The following VWDE variants were observed in gnomAD, a reference collection of about 807,000 sequenced individuals.
VWDE encodes the protein von Willebrand factor D and EGF domain-containing protein.
In VWDE, 207 loss-of-function variants were observed where a neutral mutation model predicts 178.4. The observed-to-expected ratio is 1.16, with a 90% CI of 1.04 to 1.30. VWDE has a LOEUF of 1.30. VWDE is among the 50% of genes most tolerant of loss of function. VWDE has a pLI of 0.00. For missense variants in VWDE, 2,287 were observed against 1,901.3 expected (o/e 1.20, Z -3.77); for synonymous variants, 738 against 651.4 (o/e 1.13, Z -2.02).
chr7:12,345,159 G>C (rs1368446897), intron 19 of VWDE, among the ~76,000 whole-genome samples: 1 of 151,850 alleles, frequency 6.6e-6, no homozygotes, highest in African/African-American at 2.4e-5. Flanking sequence ...ATATTATATA[G>C]TTGTAATACT....
In VWDE at chr7:12,361,624, G is replaced by C. The variant is rs908980196; in HGVS notation, c.2899-103C>G. On this transcript the variant is annotated intron_variant, in intron 13 of 28. Coordinates refer to ENST00000275358, the MANE Select transcript of VWDE (RefSeq NM_001135924.3). ...ACATAAATTTTAAAATATATGCCTA[G>C]TATAATGTAATATATAACAGGGAAA... 3 of 1,085,688 alleles carry C rather than the reference G, an allele frequency of 2.8e-6. No homozygotes were observed. In the East Asian group the frequency reaches 8.2e-5, roughly 30 times the overall value. 67.3% of individuals were successfully genotyped at this position (1,085,688 alleles called of 1,614,324 possible).
intron 3 of VWDE, 57 bp from the exon 4 acceptor site, chr7:12,383,658 C>A (rs953885498): frequency 2.5e-5 from 34 of 1,363,222 alleles, no homozygotes; most frequent in Non-Finnish European, 9.2e-6. Flanking sequence ...TATACATCTA[C>A]ATATATCCAA....
rs1262419780 is a variant in VWDE at position 12,356,299 on chromosome 7, C to A, written c.3557G>T (p.Gly1186Val). Residue 1186 changes from glycine (G) to valine (V), a missense_variant, in exon 18 of 29, where the codon GGT becomes GTT. By Grantham distance (109) the Gly-to-Val change is moderately radical. Transcript: ENST00000275358. ...GTTCCTATCAGATACACATGATCCACCATTCAAGCAATCACAAGACTTCAC... is the reference window on the plus strand; with the variant it reads ...GTTCCTATCAGATACACATGATCCAACATTCAAGCAATCACAAGACTTCAC... ...VTVKSCDCLN[G>V]GSCVSDRNFS... The A allele has an allele frequency of 6.4e-7, 1 of 1,551,380 alleles. No individual in the cohort carries two copies. The highest frequency in any genetic ancestry group is 2.4e-5 in the East Asian group (1 of 40,896).
chr7:12,339,637 GAATTA>G (rs1180089986), intron 24 of VWDE, among the ~76,000 whole-genome samples: 1 of 151,900 alleles, frequency 6.6e-6, no homozygotes, highest in Non-Finnish European at 1.5e-5. Flanking sequence ...TAAATTTTAG[GAATTA>G]AATTATGGAA....
chr7:12,336,456 C>T (rs552369942), intron 26 of VWDE, among the ~76,000 whole-genome samples: 8 of 152,220 alleles, frequency 5.3e-5, no homozygotes, highest in South Asian at 2.1e-4. Context: ...TGTTTGAATG[C>T]GTCGTGATTT....
At chr7:12,349,326 T>C (rs1781799003) in intron 19 of VWDE, among the ~76,000 whole-genome samples, 1 of 150,996 alleles carries the variant, frequency 6.6e-6, no homozygotes, top group Admixed American at 6.6e-5. Context: ...GCCATTCATC[T>C]GGAAGAAAAA....
chr7:12,393,882 A>C, intron 1 of VWDE, 104 bp from the exon 2 acceptor site: 1 of 992,508 alleles, frequency 1.0e-6, no homozygotes, highest in Non-Finnish European at 1.4e-6. Context: ...AAGCAAATAA[A>C]CTCACTATTG....
Position 12,356,154 on chromosome 7 carries a change from A to G in VWDE, c.3702T>C (p.Ser1234=). 6.4e-7 allele frequency: 1 copy of G among 1,551,562 alleles called. No individual in the cohort carries two copies. The stretch of plus-strand genomic sequence containing the variant: ...AATCACAGGAATAACTGTGAAAACC[A>G]CTAATATAGCTGCCAAGACCACAAG... ...SNPCGLGSYI[S]GFHSYSCDCP... Residue 1234 remains serine, a synonymous_variant, in exon 18 of 29, where the codon AGT becomes AGC. Coordinates refer to ENST00000275358, the MANE Select transcript of VWDE (RefSeq NM_001135924.3).
chr7:12,349,541 A>C (rs930857399), intron 19 of VWDE, among the ~76,000 whole-genome samples: 7 of 151,732 alleles, frequency 4.6e-5, no homozygotes, highest in African/African-American at 9.7e-5. Context: ...TAATGCTTTC[A>C]TATAAAAAGA....
chr7:12,363,169 TCTAA>T (rs1371288634), intron 13 of VWDE, among the ~76,000 whole-genome samples: 2 of 152,126 alleles, frequency 1.3e-5, no homozygotes, highest in African/African-American at 4.8e-5. Context: ...AGTTATTAAG[TCTAA>T]CTAACTAGCA....
At chr7:12,353,407 A>T (rs970790665) in intron 18 of VWDE, among the ~76,000 whole-genome samples, 3 of 53,840 alleles carry the variant, frequency 5.6e-5, no homozygotes, top group African/African-American at 1.9e-4. Flanking sequence ...TTAGGGCTTC[A>T]ACATATAAAT....
chr7:12,373,114 G>A lies in VWDE; in HGVS notation c.1450C>T (p.Gln484Ter). 6.4e-7 allele frequency: 1 copy of A among 1,551,176 alleles called. No homozygotes were observed. The highest frequency in any genetic ancestry group is 1.2e-5 in the South Asian group (1 of 84,042). The change falls in exon 10 of 29, where the codon CAG (glutamine) becomes TAG (stop). Residue 484 changes from glutamine to a stop codon, truncating the protein, a stop_gained. Transcript: ENST00000275358. LOFTEE classifies it high-confidence loss of function. ...PVSCNCGFVAQEGGDIVTFDM... is the reference protein window; with the variant it reads ...PVSCNCGFVA ...AAAGTAACTATATCACCTCCTTCCT[G>A]GGCAACAAACCCACAATTACATGAC...
intron 3 of VWDE, chr7:12,388,901 G>A: frequency 1.5e-6 from 1 of 689,540 alleles, no homozygotes; most frequent in Non-Finnish European, 2.7e-6. Context: ...AAAAATGTGA[G>A]ATGTCTGTTT....
chr7:12,378,841 C>G (rs1783679416), intron 6 of VWDE, among the ~76,000 whole-genome samples: 1 of 152,168 alleles, frequency 6.6e-6, no homozygotes, highest in African/African-American at 2.4e-5. Flanking sequence ...TACCATTTAT[C>G]TCATCTTGTC....
intron 22 of VWDE, among the ~76,000 whole-genome samples, 154 bp downstream of exon 22, chr7:12,342,929 G>A (rs370758585): frequency 4.0e-5 from 6 of 151,060 alleles, no homozygotes; most frequent in African/African-American, 9.8e-5. Flanking sequence ...GAGAACATGC[G>A]GTGTTTGGTT....
intron 12 of VWDE, among the ~76,000 whole-genome samples, chr7:12,368,664 C>A (rs1178967683): frequency 6.6e-6 from 1 of 152,086 alleles, no homozygotes; most frequent in African/African-American, 2.4e-5. Context: ...AGATGGAGAG[C>A]CATTCGAGCT....
Position 12,337,186 on chromosome 7 carries a change from A to G in VWDE, c.4453T>C (p.Phe1485Leu), listed in dbSNP as rs1301970907. Residue 1485 changes from phenylalanine (F) to leucine (L), a missense_variant, in exon 25 of 29, where the codon TTC becomes CTC. Physicochemically the swap from Phe to Leu is conservative, Grantham distance 22. Transcript: ENST00000275358. Reference sequence around the variant, plus strand: ...TTTAGTGATGTCTTACTTTTTTGGAATCTCCTACCAGTGTATCCTTCACGA... The same window carrying G: ...TTTAGTGATGTCTTACTTTTTTGGAGTCTCCTACCAGTGTATCCTTCACGA... The part of the protein sequence containing the change: ...VCREGYTGRR[F>L]QKSICDPTCM... 6.4e-7 allele frequency: 1 copy of G among 1,551,670 alleles called. No homozygotes were observed. Among genetic ancestry groups the G allele is most frequent in the Admixed American group, 2.0e-5 (1 of 50,954 alleles).
intron 1 of VWDE, among the ~76,000 whole-genome samples, chr7:12,400,463 C>G (rs1418078475): frequency 2.0e-5 from 3 of 152,002 alleles, no homozygotes; most frequent in African/African-American, 7.2e-5. Context: ...ATGAGATTGA[C>G]AAATTTCTAA....
chr7:12,330,964 T>C lies in VWDE; in HGVS notation c.*219A>G, dbSNP rs899876877. 1.2e-5 allele frequency: 6 copies of C among 487,040 alleles called. No homozygotes were observed. Among genetic ancestry groups the C allele is most frequent in the African/African-American group, 1.0e-4 (5 of 49,698 alleles). 30.2% of individuals were successfully genotyped at this position (487,040 alleles called of 1,614,324 possible). A position where few individuals can be genotyped will look rare whatever the true frequency, so the allele number is the denominator to read the frequency against. On this transcript the variant is annotated 3_prime_UTR_variant, in exon 29 of 29. Coordinates refer to ENST00000275358, the MANE Select transcript of VWDE (RefSeq NM_001135924.3). ...GATACATCATCTCAATATGTAAATATCCTATCCCATCTCAACATCAAATTT... is the reference window on the plus strand; with the variant it reads ...GATACATCATCTCAATATGTAAATACCCTATCCCATCTCAACATCAAATTT...
Sources: gnomAD v4.1 joint callset for allele counts (sites outside exome capture counted in the v4.1 genomes callset) on GRCh38, gnomAD v4.1.1 for gene constraint, MANE v1.5 for transcripts, NCBI Gene and HGNC (gene_info 2026-07-23, HGNC 2026-07-21) for gene names.